SLIT2: variants seen among roughly 807,000 people sequenced by gnomAD.
SLIT2 encodes slit guidance ligand 2, also known as slit homolog 2 protein.
SLIT2 carries 41 observed loss-of-function variants against 185.7 expected under a neutral mutation model. The ratio of observed to expected loss-of-function variants is 0.22; its 90% confidence interval spans 0.17 to 0.29. The LOEUF (loss-of-function observed/expected upper bound fraction) is 0.29. Among genes scored for constraint, SLIT2 ranks in the 10% least tolerant of loss-of-function variants. The probability of loss-of-function intolerance (pLI) is 1.00; values close to 1 mark genes in which losing one functional copy is unlikely to be tolerated. For missense variants in SLIT2, 1,571 were observed against 1,909.0 expected (o/e 0.82, Z 3.30); for synonymous variants, 693 against 680.2 (o/e 1.02, Z -0.29).
At chr4:20,501,970 A>AT (rs67186031) in intron 9 of SLIT2, among the ~76,000 whole-genome samples, 24 of 151,668 alleles carry the variant, frequency 1.6e-4, no homozygotes, top group Non-Finnish European at 2.5e-4. Flanking sequence ...CTTCATTTAT[A>AT]TTTTTTTTTT....
intron 17 of SLIT2, chr4:20,533,361 G>T (rs887528981): frequency 9.0e-6 from 5 of 557,228 alleles, no homozygotes; most frequent in East Asian, 3.1e-5. Flanking sequence ...CATGAGTCAC[G>T]CTGGCATTTT....
intron 3 of SLIT2, among the ~76,000 whole-genome samples, chr4:20,260,803 T>G (rs558653765): frequency 6.6e-6 from 1 of 151,994 alleles, no homozygotes; most frequent in Admixed American, 6.6e-5. Flanking sequence ...AAAGAGTGGA[T>G]GAAATACAAC....
chr4:20,316,681 A>G (rs1160225571), intron 4 of SLIT2, among the ~76,000 whole-genome samples: 1 of 151,602 alleles, frequency 6.6e-6, no homozygotes, highest in African/African-American at 2.4e-5. Flanking sequence ...GTGTATCTAT[A>G]TACTCATATG....
chr4:20,550,244 A>C (rs1723616710), intron 24 of SLIT2, among the ~76,000 whole-genome samples: 1 of 152,054 alleles, frequency 6.6e-6, no homozygotes, highest in African/African-American at 2.4e-5. Flanking sequence ...TTTGTTTACT[A>C]AGCACTCGTG....
rs1173356912 is a variant in SLIT2 at position 20,375,954 on chromosome 4, T to C, written c.396-91798T>C. ...AGCTTGTCATTATGTGCATTATAGA[T>C]ACCAAATTTAGCATTTTATAAATTT... On this transcript the variant is annotated intron_variant, in intron 4 of 36. Transcript: ENST00000504154. Among the ~76,000 whole-genome samples, 51 of 151,944 alleles carry C rather than the reference T, an allele frequency of 3.4e-4. 1 individual carries two copies. The highest frequency in any genetic ancestry group is 2.9e-5 in the Non-Finnish European group (2 of 67,944).
intron 4 of SLIT2, among the ~76,000 whole-genome samples, chr4:20,463,832 C>T (rs886998607): frequency 1.4e-4 from 21 of 147,906 alleles, no homozygotes; most frequent in African/African-American, 4.3e-4. Flanking sequence ...GCCGAGATGG[C>T]GTCACTGCAC....
At position 20,523,846 on chromosome 4, in the gene SLIT2, A is replaced by G; in HGVS notation, c.1217A>G (p.Asn406Ser). 2 of 1,614,060 alleles carry G rather than the reference A, an allele frequency of 1.2e-6. No homozygotes were observed. Among genetic ancestry groups the G allele is most frequent in the Non-Finnish European group, 1.7e-6 (2 of 1,179,952 alleles). Residue 406 changes from asparagine (N) to serine (S), a missense_variant, in exon 13 of 37, where the codon AAC becomes AGC. By Grantham distance (46) the Asn-to-Ser change is conservative. Coordinates refer to ENST00000504154, the MANE Select transcript of SLIT2 (RefSeq NM_004787.4). Reference protein sequence around the residue: ...HNLNLLSLYDNKLQTIAKGTF... With the variant: ...HNLNLLSLYDSKLQTIAKGTF... ...TTGAACCTTCTCTCCCTATATGACA[A>G]CAAGCTTCAGACCATCGCCAAGGGG... is the stretch of plus-strand genomic sequence containing the variant.
intron 3 of SLIT2, among the ~76,000 whole-genome samples, chr4:20,264,316 A>G (rs1560265973): frequency 6.6e-6 from 1 of 151,818 alleles, no homozygotes; most frequent in Admixed American, 6.6e-5. Context: ...TTGATCATTC[A>G]TGTAGGAGAA....
At chr4:20,436,108 C>T (rs1234293973) in intron 4 of SLIT2, among the ~76,000 whole-genome samples, 5 of 152,138 alleles carry the variant, frequency 3.3e-5, no homozygotes, top group Non-Finnish European at 5.9e-5. Context: ...ATTTGGTAAA[C>T]ATCCAAAAGA....
At chr4:20,291,461 TA>T (rs1715813817) in intron 4 of SLIT2, among the ~76,000 whole-genome samples, 2 of 29,876 alleles carry the variant, frequency 6.7e-5, no homozygotes, top group Non-Finnish European at 1.2e-4. Flanking sequence ...TATATATATA[TA>T]TATATATATA....
intron 11 of SLIT2, among the ~76,000 whole-genome samples, chr4:20,513,480 C>T (rs1288146227): frequency 6.6e-6 from 1 of 152,156 alleles, no homozygotes; most frequent in Non-Finnish European, 1.5e-5. Context: ...TGCAATAGCT[C>T]TTTTCTTCAT....
intron 15 of SLIT2, among the ~76,000 whole-genome samples, chr4:20,526,976 T>C (rs1460518774): frequency 6.6e-6 from 1 of 152,186 alleles, no homozygotes; most frequent in African/African-American, 2.4e-5. Context: ...GAAGCATAAA[T>C]CATAAGACAC....
intron 4 of SLIT2, among the ~76,000 whole-genome samples, chr4:20,371,311 C>T (rs1390543357): frequency 6.6e-6 from 1 of 151,970 alleles, no homozygotes; most frequent in East Asian, 1.9e-4. Context: ...CACAAATGCA[C>T]ATCCTCATAG....
chr4:20,474,597 T>C (rs955372345), intron 5 of SLIT2, among the ~76,000 whole-genome samples: 2 of 152,092 alleles, frequency 1.3e-5, no homozygotes, highest in African/African-American at 4.8e-5. Flanking sequence ...TTCACATACT[T>C]ACAAAATATG....
At chr4:20,472,317 T>TAGATCTATATAG (rs1560453121) in intron 5 of SLIT2, among the ~76,000 whole-genome samples, 1 of 32,046 alleles carries the variant, frequency 3.1e-5, no homozygotes, top group African/African-American at 1.8e-4. Flanking sequence ...TATATATAGA[T>TAGATCTATATAG]ATATATATCT....
chr4:20,269,801 A>G (rs918771253), intron 4 of SLIT2, among the ~76,000 whole-genome samples: 5 of 151,874 alleles, frequency 3.3e-5, no homozygotes, highest in Non-Finnish European at 7.4e-5. Context: ...TTTGTAGCCT[A>G]CTAGTTCAAT....
intron 4 of SLIT2, among the ~76,000 whole-genome samples, chr4:20,324,048 G>T (rs951711491): frequency 2.6e-5 from 4 of 152,144 alleles, no homozygotes; most frequent in Non-Finnish European, 5.9e-5. Flanking sequence ...ATAAGATTGT[G>T]AACACTTGCG....
rs1729905879 is a variant in SLIT2 at position 20,619,127 on chromosome 4, AT to A, written c.*123del. On this transcript the variant is annotated 3_prime_UTR_variant, in exon 37 of 37. Coordinates refer to ENST00000504154, the MANE Select transcript of SLIT2 (RefSeq NM_004787.4). Reference sequence around the variant, plus strand: ...ATATTGTAAAATACAGAACAGACTTATTTTTATTATGAGAATAAAGACTTTT... The same window carrying A: ...ATATTGTAAAATACAGAACAGACTTATTTTATTATGAGAATAAAGACTTTT... 9.6e-7 allele frequency: 1 copy of A among 1,037,796 alleles called. No homozygotes were observed. Among genetic ancestry groups the A allele is most frequent in the Non-Finnish European group, 1.3e-6 (1 of 752,270 alleles). The allele number at this position is 1,037,796 out of a possible 1,614,324, so 64.3% of individuals were successfully genotyped here.
intron 4 of SLIT2, among the ~76,000 whole-genome samples, chr4:20,464,380 T>G (rs1237380746): frequency 6.6e-6 from 1 of 152,126 alleles, no homozygotes; most frequent in Non-Finnish European, 1.5e-5. Flanking sequence ...CCCCAGTTGG[T>G]ATGAAAAAAT....
Sources: allele counts gnomAD v4.1 joint callset (sites outside exome capture counted in the v4.1 genomes callset), GRCh38; gene constraint gnomAD v4.1.1; transcripts MANE v1.5; gene names NCBI Gene and HGNC (gene_info 2026-07-23, HGNC 2026-07-21).